Variants in TRPC4 observed in about 807,000 individuals in gnomAD.
The protein encoded by TRPC4 is transient receptor potential cation channel subfamily C member 4.
A neutral mutation model predicts 99.4 loss-of-function variants in TRPC4; 49 were observed. The ratio of observed to expected loss-of-function variants is 0.49; its 90% CI spans 0.39 to 0.63. TRPC4 has a LOEUF of 0.63. Ranked by LOEUF, TRPC4 falls within the 20% of genes least tolerant of loss-of-function variation. The probability of loss-of-function intolerance (pLI) is 0.00; values close to 1 mark genes in which losing one functional copy is unlikely to be tolerated. For missense variants in TRPC4, 898 were observed against 1,152.9 expected, an observed-to-expected ratio of 0.78 and a Z score of 3.20; for synonymous variants, 454 against 425.9, an observed-to-expected ratio of 1.07 and a Z score of -0.81.
intron 3 of TRPC4, among the ~76,000 whole-genome samples, chr13:37,744,524 G>A (rs1209602095): frequency 6.6e-6 from 1 of 152,092 alleles, no homozygotes; most frequent in Non-Finnish European, 1.5e-5. Context: ...CTTGTTTCAG[G>A]CTTCCATGAC....
At chr13:37,824,914 G>A (rs970146355) in intron 1 of TRPC4, among the ~76,000 whole-genome samples, 1 of 152,038 alleles carries the variant, frequency 6.6e-6, no homozygotes, top group Non-Finnish European at 1.5e-5. Flanking sequence ...GACTCTTTTT[G>A]GTTGGTAAGC....
At chr13:37,807,335 C>A (rs2139456807) in intron 1 of TRPC4, among the ~76,000 whole-genome samples, 1 of 152,028 alleles carries the variant, frequency 6.6e-6, no homozygotes, top group Admixed American at 6.6e-5. Context: ...AGAAATAGAT[C>A]ATAATTAAAC....
intron 5 of TRPC4, among the ~76,000 whole-genome samples, chr13:37,668,182 G>A (rs1477174403): frequency 6.6e-6 from 1 of 152,192 alleles, no homozygotes; most frequent in Non-Finnish European, 1.5e-5. Context: ...ATTAATTCCT[G>A]TATTCCTCCT....
At chr13:37,748,389 A>G (rs764106511) in intron 2 of TRPC4, among the ~76,000 whole-genome samples, 20 of 152,176 alleles carry the variant, frequency 1.3e-4, no homozygotes, top group Admixed American at 2.6e-4. Flanking sequence ...TTTCAAATTT[A>G]TTAACCATAA....
intron 3 of TRPC4, among the ~76,000 whole-genome samples, chr13:37,728,411 A>T (rs1349927768): frequency 6.6e-6 from 1 of 152,042 alleles, no homozygotes; most frequent in African/African-American, 2.4e-5. Context: ...TTTAAAAGGA[A>T]ATTAAGGAAA....
chr13:37,733,652 C>T (rs527704990), intron 3 of TRPC4, among the ~76,000 whole-genome samples: 218 of 152,094 alleles, frequency 1.4e-3, no homozygotes, highest in African/African-American at 4.9e-3. Flanking sequence ...TTGGTATTGA[C>T]GATCCTAGGT....
chr13:37,663,382 C>A (rs1171013110), intron 6 of TRPC4, 34 bp downstream of exon 6: 1 of 1,572,722 alleles, frequency 6.4e-7, no homozygotes, highest in South Asian at 1.2e-5. Flanking sequence ...AAATGCTGTA[C>A]AACATTACCA....
intron 2 of TRPC4, among the ~76,000 whole-genome samples, chr13:37,773,583 G>T (rs911671187): frequency 6.6e-6 from 1 of 151,754 alleles, no homozygotes; most frequent in Non-Finnish European, 1.5e-5. Context: ...GCTGGAGGGA[G>T]AAAAATGGCA....
chr13:37,672,569 T>A (rs1429275937), intron 5 of TRPC4, among the ~76,000 whole-genome samples: 1 of 152,192 alleles, frequency 6.6e-6, no homozygotes, highest in African/African-American at 2.4e-5. Flanking sequence ...ACTGGTATTG[T>A]GATATAATCC....
chr13:37,825,233 T>C (rs1405515104), intron 1 of TRPC4, among the ~76,000 whole-genome samples: 3 of 152,046 alleles, frequency 2.0e-5, no homozygotes, highest in East Asian at 3.9e-4. Context: ...GCTCCTGGAT[T>C]CATTAATTTT....
chr13:37,665,840 C>CAAAAAAAAAAAAAAA, intron 5 of TRPC4, among the ~76,000 whole-genome samples: 1 of 71,026 alleles, frequency 1.4e-5, no homozygotes, highest in Non-Finnish European at 2.8e-5. Flanking sequence ...TCAGCTGAGA[C>CAAAAAAAAAAAAAAA]AAAAAAAAAA....
At chr13:37,821,716 G>T (rs1412270136) in intron 1 of TRPC4, among the ~76,000 whole-genome samples, 2 of 152,120 alleles carry the variant, frequency 1.3e-5, no homozygotes, top group African/African-American at 4.8e-5. Flanking sequence ...ATGGGGAAAG[G>T]TCTCTCTATT....
chr13:37,713,225 C>A (rs1030501818), intron 3 of TRPC4, among the ~76,000 whole-genome samples: 3 of 151,994 alleles, frequency 2.0e-5, no homozygotes, highest in Non-Finnish European at 4.4e-5. Context: ...ATTAAGTCAA[C>A]CCCAAAATGA....
At chr13:37,659,190 G>A (rs1484109371) in intron 6 of TRPC4, among the ~76,000 whole-genome samples, 3 of 152,064 alleles carry the variant, frequency 2.0e-5, no homozygotes, top group African/African-American at 7.2e-5. Context: ...TGATGAGGGT[G>A]GATTGTGGGT....
At chr13:37,764,685 A>T (rs1023728048) in intron 2 of TRPC4, among the ~76,000 whole-genome samples, 1 of 151,122 alleles carries the variant, frequency 6.6e-6, no homozygotes, top group South Asian at 2.1e-4. Context: ...TAAACTGTAG[A>T]TTTTTTGTTA....
intron 2 of TRPC4, among the ~76,000 whole-genome samples, chr13:37,759,405 T>C (rs998636296): frequency 2.6e-5 from 4 of 151,860 alleles, no homozygotes; most frequent in Non-Finnish European, 5.9e-5. Context: ...TATTTTGTTA[T>C]ACAATTCTTG....
At chr13:37,740,492 C>A (rs1180890825) in intron 3 of TRPC4, among the ~76,000 whole-genome samples, 1 of 152,156 alleles carries the variant, frequency 6.6e-6, no homozygotes, top group Non-Finnish European at 1.5e-5. Flanking sequence ...CCATGATATA[C>A]AGACAAGTAG....
intron 2 of TRPC4, among the ~76,000 whole-genome samples, chr13:37,748,063 C>T (rs901430194): frequency 6.6e-6 from 1 of 152,120 alleles, no homozygotes; most frequent in Non-Finnish European, 1.5e-5. Context: ...TGGAGTGGGA[C>T]AACGTGAGAT....
chr13:37,816,412 C>G (rs1047562197), intron 1 of TRPC4, among the ~76,000 whole-genome samples: 4 of 151,872 alleles, frequency 2.6e-5, no homozygotes, highest in Non-Finnish European at 5.9e-5. Flanking sequence ...ACAGAACTCT[C>G]CAGCCAAAAC....
Sources: gnomAD v4.1 joint callset for allele counts (sites outside exome capture counted in the v4.1 genomes callset) on GRCh38, gnomAD v4.1.1 for gene constraint, MANE v1.5 for transcripts, NCBI Gene and HGNC (gene_info 2026-07-23, HGNC 2026-07-21) for gene names.